The following CAMK4 variants were observed in gnomAD, a reference collection of about 807,000 sequenced individuals.
CAMK4 encodes the protein calcium/calmodulin dependent protein kinase IV, also known as calcium/calmodulin-dependent protein kinase type IV.
A neutral mutation model predicts 44.9 loss-of-function variants in CAMK4; 22 were observed. The ratio of observed to expected loss-of-function variants is 0.49; its 90% confidence interval spans 0.35 to 0.70. The LOEUF is 0.70. CAMK4 is among the 30% of genes least tolerant of loss of function. The pLI is 0.01. For missense variants in CAMK4, 498 were observed against 586.8 expected, an observed-to-expected ratio of 0.85 and a Z score of 1.56; for synonymous variants, 218 against 215.4, an observed-to-expected ratio of 1.01 and a Z score of -0.11.
At chr5:111,392,331 C>T (rs410859) in intron 4 of CAMK4, among the ~76,000 whole-genome samples, 303 of 151,960 alleles carry the variant, frequency 2.0e-3, no homozygotes, top group African/African-American at 7.2e-3. Context: ...GTGCCACACA[C>T]TTCAACTATA....
At chr5:111,347,864 G>C (rs1407276899) in intron 2 of CAMK4, among the ~76,000 whole-genome samples, 1 of 151,812 alleles carries the variant, frequency 6.6e-6, no homozygotes, top group Non-Finnish European at 1.5e-5. Context: ...TGTCTGTAAG[G>C]GAGGACCTCT....
chr5:111,312,204 G>A (rs531881759), intron 1 of CAMK4, among the ~76,000 whole-genome samples: 69 of 152,232 alleles, frequency 4.5e-4, no homozygotes, highest in Middle Eastern at 3.4e-3. Context: ...AGACCAAAGT[G>A]GAGGACTCCT....
chr5:111,420,872 T>C (rs1317570621), intron 5 of CAMK4, among the ~76,000 whole-genome samples: 3 of 152,200 alleles, frequency 2.0e-5, no homozygotes, highest in Non-Finnish European at 4.4e-5. Flanking sequence ...TGCCCAGATT[T>C]CATATTGCTC....
chr5:111,294,141 A>G (rs1747391299), intron 1 of CAMK4, among the ~76,000 whole-genome samples: 1 of 152,162 alleles, frequency 6.6e-6, no homozygotes, highest in South Asian at 2.1e-4. Context: ...TCATTTGCTA[A>G]TATATTCAAA....
intron 4 of CAMK4, among the ~76,000 whole-genome samples, chr5:111,388,578 G>A (rs915712511): frequency 1.3e-5 from 2 of 151,912 alleles, no homozygotes; most frequent in African/African-American, 2.4e-5. Context: ...ACCCTTCATG[G>A]CCTCCAGAAT....
chr5:111,328,770 G>A (rs922099053), intron 1 of CAMK4, among the ~76,000 whole-genome samples: 1 of 151,974 alleles, frequency 6.6e-6, no homozygotes, highest in African/African-American at 2.4e-5. Context: ...TCTCCTTGAA[G>A]CAATTGTGAA....
At chr5:111,341,800 A>C (rs1749656361) in intron 1 of CAMK4, among the ~76,000 whole-genome samples, 1 of 151,282 alleles carries the variant, frequency 6.6e-6, no homozygotes, top group African/African-American at 2.4e-5. Flanking sequence ...GGGCACAAAG[A>C]GGTCATGTAA....
chr5:111,427,093 C>A (rs1233783852), intron 5 of CAMK4, among the ~76,000 whole-genome samples: 2 of 152,136 alleles, frequency 1.3e-5, no homozygotes, highest in East Asian at 3.9e-4. Context: ...ACACCCCTTC[C>A]TTTTGCTTAA....
At chr5:111,337,022 T>A (rs2112736461) in intron 1 of CAMK4, among the ~76,000 whole-genome samples, 1 of 151,262 alleles carries the variant, frequency 6.6e-6, no homozygotes, top group Admixed American at 6.6e-5. Flanking sequence ...TTTTACTTGT[T>A]TTTACAATTG....
chr5:111,412,588 C>T (rs2900055), intron 5 of CAMK4, among the ~76,000 whole-genome samples: 14,703 of 152,174 alleles, frequency 0.097, 2,094 homozygotes, highest in African/African-American at 0.32. Context: ...ATGAATTCTA[C>T]AACCACTAAA....
At chr5:111,335,342 C>A (rs1749355800) in intron 1 of CAMK4, among the ~76,000 whole-genome samples, 1 of 151,368 alleles carries the variant, frequency 6.6e-6, no homozygotes, top group Non-Finnish European at 1.5e-5. Flanking sequence ...ACCCAGACTT[C>A]CTAATTCCAT....
intron 7 of CAMK4, among the ~76,000 whole-genome samples, chr5:111,467,927 G>T (rs1334632247): frequency 1.0e-5 from 1 of 97,914 alleles, no homozygotes; most frequent in Non-Finnish European, 2.1e-5. Flanking sequence ...AGTTCGTAAA[G>T]AAATTGTCAC....
intron 1 of CAMK4, among the ~76,000 whole-genome samples, chr5:111,308,636 T>C (rs888212244): frequency 6.6e-6 from 1 of 152,198 alleles, no homozygotes; most frequent in Non-Finnish European, 1.5e-5. Flanking sequence ...GGAAACAGAA[T>C]GTTATTTAGA....
At chr5:111,265,348 T>G (rs542095624) in intron 1 of CAMK4, among the ~76,000 whole-genome samples, 9 of 152,360 alleles carry the variant, frequency 5.9e-5, no homozygotes, top group African/African-American at 1.9e-4. Context: ...TGTAGCCTAC[T>G]GGCTGGCTAT....
In CAMK4 at chr5:111,397,340, A is replaced by G. The variant is rs181293099; in HGVS notation, c.459+2558A>G. Among the ~76,000 whole-genome samples, 253 of 152,374 alleles carry G rather than the reference A, an allele frequency of 1.7e-3. 2 individuals carry two copies. Among genetic ancestry groups the G allele is most frequent in the Non-Finnish European group, 2.4e-3 (164 of 68,042 alleles). ...ACTTGCGGAAATCATAGCAATGTTC[A>G]TAAAATAGGGAAAAGAGGGTAACCA... is the stretch of plus-strand genomic sequence containing the variant. On this transcript the variant is annotated intron_variant, in intron 5 of 10. Coordinates refer to ENST00000282356, the MANE Select transcript of CAMK4 (RefSeq NM_001744.6).
At chr5:111,411,813 A>G (rs963436883) in intron 5 of CAMK4, among the ~76,000 whole-genome samples, 3 of 152,234 alleles carry the variant, frequency 2.0e-5, no homozygotes, top group African/African-American at 7.2e-5. Context: ...ACTTTTCAAA[A>G]TATCCTAAAA....
intron 4 of CAMK4, among the ~76,000 whole-genome samples, chr5:111,391,535 A>G (rs1418775008): frequency 6.6e-6 from 1 of 152,106 alleles, no homozygotes; most frequent in East Asian, 1.9e-4. Flanking sequence ...AAAAAAAAAC[A>G]TGAAAATAAG....
intron 4 of CAMK4, among the ~76,000 whole-genome samples, chr5:111,391,067 A>G (rs1751778467): frequency 6.6e-6 from 1 of 152,228 alleles, no homozygotes; most frequent in Non-Finnish European, 1.5e-5. Flanking sequence ...GTGCACCTGC[A>G]GTAAGGTCTA....
At chr5:111,440,927 T>C (rs1753801437) in intron 5 of CAMK4, among the ~76,000 whole-genome samples, 1 of 152,184 alleles carries the variant, frequency 6.6e-6, no homozygotes, top group Non-Finnish European at 1.5e-5. Context: ...CATTTACACA[T>C]AGAATATCTA....
Sources: allele counts gnomAD v4.1 joint callset (sites outside exome capture counted in the v4.1 genomes callset), GRCh38; gene constraint gnomAD v4.1.1; transcripts MANE v1.5; gene names NCBI Gene and HGNC (gene_info 2026-07-23, HGNC 2026-07-21).